The following PLCB4 variants were observed in gnomAD, a reference collection of about 807,000 sequenced individuals.
PLCB4 encodes the protein phospholipase C beta 4, also known as 1-phosphatidylinositol 4,5-bisphosphate phosphodiesterase beta-4.
In PLCB4, 77 loss-of-function variants were observed where a neutral mutation model predicts 178.8. The observed-to-expected ratio is 0.43, with a 90% confidence interval of 0.36 to 0.52. The LOEUF (loss-of-function observed/expected upper bound fraction) is 0.52. PLCB4 is among the 20% of genes least tolerant of loss of function. The pLI, the probability that PLCB4 is intolerant of heterozygous loss-of-function variation, is 0.00. For missense variants in PLCB4, 1,024 were observed against 1,453.4 expected, an observed-to-expected ratio of 0.70 and a Z score of 4.80; for synonymous variants, 496 against 490.8, an observed-to-expected ratio of 1.01 and a Z score of -0.14.
At chr20:9,101,291 T>C (rs991492014) in intron 2 of PLCB4, among the ~76,000 whole-genome samples, 1 of 152,092 alleles carries the variant, frequency 6.6e-6, no homozygotes, top group Admixed American at 6.6e-5. Context: ...TCGTCCTCTT[T>C]CCTGTGGTTA....
intron 3 of PLCB4, among the ~76,000 whole-genome samples, chr20:9,244,344 G>A (rs2094101250): frequency 6.6e-6 from 1 of 152,148 alleles, no homozygotes; most frequent in Non-Finnish European, 1.5e-5. Flanking sequence ...TAAGGAACTT[G>A]AACTCTAAAT....
At chr20:9,449,750 G>A (rs1194876573) in intron 32 of PLCB4, among the ~76,000 whole-genome samples, 3 of 152,080 alleles carry the variant, frequency 2.0e-5, no homozygotes, top group African/African-American at 7.2e-5. Flanking sequence ...AGCTACTGAT[G>A]GAAAATTTTC....
chr20:9,084,216 T>G (rs2090294463), intron 1 of PLCB4, among the ~76,000 whole-genome samples: 1 of 152,182 alleles, frequency 6.6e-6, no homozygotes, highest in Non-Finnish European at 1.5e-5. Context: ...TGTTTCTTTA[T>G]CTGTTTCTTT....
chr20:9,384,066 A>G (rs906995935), intron 13 of PLCB4, 135 bp from the exon 14 acceptor site: 1 of 664,326 alleles, frequency 1.5e-6, no homozygotes, highest in Non-Finnish European at 2.7e-6. Flanking sequence ...GTTCTGACAG[A>G]TGAAAGTTCT....
chr20:9,205,888 G>GT (rs1354908052), intron 2 of PLCB4, among the ~76,000 whole-genome samples: 1 of 152,114 alleles, frequency 6.6e-6, no homozygotes, highest in Admixed American at 6.6e-5. Flanking sequence ...TTGAAATGAG[G>GT]TTTTGTCACT....
At chr20:9,328,974 CAG>C (rs1271282162) in intron 4 of PLCB4, among the ~76,000 whole-genome samples, 1 of 152,164 alleles carries the variant, frequency 6.6e-6, no homozygotes, top group Non-Finnish European at 1.5e-5. Context: ...GTGATTTACA[CAG>C]GGGATGAAAG....
At chr20:9,336,086 T>C (rs949188113) in intron 4 of PLCB4, among the ~76,000 whole-genome samples, 4 of 152,144 alleles carry the variant, frequency 2.6e-5, no homozygotes, top group African/African-American at 9.7e-5. Context: ...TTTATTTGTT[T>C]TAAGGCACTG....
intron 2 of PLCB4, among the ~76,000 whole-genome samples, chr20:9,124,175 C>A (rs1404937489): frequency 1.3e-5 from 2 of 152,100 alleles, no homozygotes; most frequent in East Asian, 3.9e-4. Context: ...AGTTTGCCAA[C>A]CTCTGGTCTA....
At chr20:9,361,609 T>C (rs1187404483) in intron 7 of PLCB4, among the ~76,000 whole-genome samples, 1 of 152,222 alleles carries the variant, frequency 6.6e-6, no homozygotes, top group Non-Finnish European at 1.5e-5. Flanking sequence ...ACTGAATTTT[T>C]CATTTAAAAA....
intron 26 of PLCB4, among the ~76,000 whole-genome samples, chr20:9,420,382 G>A (rs1301254345): frequency 1.3e-5 from 2 of 151,792 alleles, no homozygotes; most frequent in Non-Finnish European, 2.9e-5. Context: ...CTGTCGCCCA[G>A]GCAGGAGTGC....
chr20:9,071,917 T>C (rs1422942476), intron 1 of PLCB4, among the ~76,000 whole-genome samples: 3 of 152,220 alleles, frequency 2.0e-5, no homozygotes, highest in Admixed American at 1.3e-4. Flanking sequence ...TTTAATAAAC[T>C]GTCTATCTAC....
At chr20:9,404,648 T>C (rs1374232618) in intron 20 of PLCB4, among the ~76,000 whole-genome samples, 1 of 151,564 alleles carries the variant, frequency 6.6e-6, no homozygotes, top group Non-Finnish European at 1.5e-5. Flanking sequence ...TTCATCAATA[T>C]TGTCTTAGTG....
At chr20:9,187,993 A>G (rs6077503) in intron 2 of PLCB4, among the ~76,000 whole-genome samples, 60,992 of 152,124 alleles carry the variant, frequency 0.4, 12,298 homozygotes, top group South Asian at 0.5. Context: ...TCCCAGCCAC[A>G]ATTCAGTTAC....
At chr20:9,124,949 A>G (rs998983521) in intron 2 of PLCB4, among the ~76,000 whole-genome samples, 1 of 152,210 alleles carries the variant, frequency 6.6e-6, no homozygotes, top group African/African-American at 2.4e-5. Context: ...AAGGAAATAA[A>G]ATAGTTACAT....
chr20:9,289,802 T>C (rs556168347), intron 3 of PLCB4, among the ~76,000 whole-genome samples: 2 of 152,248 alleles, frequency 1.3e-5, no homozygotes, highest in East Asian at 3.9e-4. Context: ...GATTCTAAGC[T>C]TTCTGAGCTT....
intron 3 of PLCB4, among the ~76,000 whole-genome samples, chr20:9,273,512 C>T (rs2094424252): frequency 6.6e-6 from 1 of 152,120 alleles, no homozygotes; most frequent in South Asian, 2.1e-4. Context: ...CCCAAATGAG[C>T]CCCTCACCCA....
chr20:9,145,834 G>C (rs1162449561), intron 2 of PLCB4, among the ~76,000 whole-genome samples: 1 of 151,986 alleles, frequency 6.6e-6, no homozygotes, highest in Non-Finnish European at 1.5e-5. Flanking sequence ...CTTGGGGAGA[G>C]GTCTTGTGAC....
At chr20:9,337,326 T>A in intron 5 of PLCB4, 120 bp downstream of exon 5, 1 of 713,804 alleles carries the variant, frequency 1.4e-6, no homozygotes, top group Non-Finnish European at 2.5e-6. Flanking sequence ...TCAAGATTTT[T>A]AAAAATGTGC....
Position 9,349,531 on chromosome 20 carries a change from C to G in PLCB4, c.369+10494C>G, listed in dbSNP as rs548109449. On this transcript the variant is annotated intron_variant, in intron 7 of 39. Transcript: ENST00000378473. Reference sequence around the variant, plus strand: ...CTTGCTGTTTTAGAAATCATCCAGCCTCCTTCACAGTTGTGTTTGAAATGC... The same window carrying G: ...CTTGCTGTTTTAGAAATCATCCAGCGTCCTTCACAGTTGTGTTTGAAATGC... Among the ~76,000 whole-genome samples, 349 of 152,320 alleles carry G rather than the reference C, an allele frequency of 2.3e-3. 17 individuals carry two copies. In the South Asian group the frequency reaches 0.068, roughly 30 times the overall value.
Sources: gnomAD v4.1 joint callset for allele counts (sites outside exome capture counted in the v4.1 genomes callset) on GRCh38, gnomAD v4.1.1 for gene constraint, MANE v1.5 for transcripts, NCBI Gene and HGNC (gene_info 2026-07-23, HGNC 2026-07-21) for gene names.